SSBP2: variants seen among roughly 807,000 people sequenced by gnomAD.
The protein encoded by SSBP2 is single stranded DNA binding protein 2, also known as single-stranded DNA-binding protein 2.
Under a neutral mutation model 61.8 loss-of-function variants are expected in SSBP2, and 17 were observed. The observed-to-expected ratio is 0.28, with a 90% CI of 0.19 to 0.41. The LOEUF (loss-of-function observed/expected upper bound fraction) is 0.41, where lower values mean the gene tolerates loss of function less well. Ranked by LOEUF, SSBP2 falls within the 10% of genes least tolerant of loss-of-function variation. SSBP2 has a pLI of 1.00. For synonymous variants in SSBP2, 139 were observed against 141.3 expected (o/e 0.98, Z 0.12); for missense variants, 310 against 458.7 (o/e 0.68, Z 2.96).
intron 16 of SSBP2, among the ~76,000 whole-genome samples, chr5:81,424,853 G>A (rs1429255007): frequency 6.6e-6 from 1 of 152,174 alleles, no homozygotes; most frequent in Non-Finnish European, 1.5e-5. Flanking sequence ...GTACTGTACT[G>A]AGACCACACT....
intron 4 of SSBP2, among the ~76,000 whole-genome samples, chr5:81,562,375 T>C (rs926190280): frequency 2.6e-5 from 4 of 152,208 alleles, no homozygotes; most frequent in African/African-American, 9.6e-5. Flanking sequence ...ATTTCCCATA[T>C]GCTATCTTTC....
intron 4 of SSBP2, among the ~76,000 whole-genome samples, chr5:81,541,192 G>C (rs151190701): frequency 6.6e-6 from 1 of 152,088 alleles, no homozygotes; most frequent in African/African-American, 2.4e-5. Context: ...AAATAAAATA[G>C]CCAGGAATAC....
rs560332672 is a variant in SSBP2, at chr5:81,573,866, C to T, written c.282+41607G>A. On this transcript the variant is annotated intron_variant, in intron 4 of 16. Transcript: ENST00000320672. ...TTAAAAACCATTATGCTTGACCAGG[C>T]GCAGTGGCTCATGCCTGTAATCCCA... 1.2e-4 allele frequency among the ~76,000 whole-genome samples: 19 copies of T among 152,200 alleles called. No homozygotes were observed. In the South Asian group the frequency reaches 3.7e-3, roughly 30 times the overall value.
chr5:81,541,521 T>C (rs112638833), intron 4 of SSBP2, among the ~76,000 whole-genome samples: 34,363 of 151,860 alleles, frequency 0.23, 4,975 homozygotes, highest in Middle Eastern at 0.36. Context: ...CTTCAAACTA[T>C]ACTATAAGGC....
chr5:81,567,914 T>C (rs915888399), intron 4 of SSBP2, among the ~76,000 whole-genome samples: 1 of 152,206 alleles, frequency 6.6e-6, no homozygotes, highest in African/African-American at 2.4e-5. Context: ...TGGTTGTATT[T>C]GCCCAATGTC....
intron 4 of SSBP2, among the ~76,000 whole-genome samples, chr5:81,601,933 A>G (rs1440784194): frequency 6.6e-6 from 1 of 152,176 alleles, no homozygotes; most frequent in African/African-American, 2.4e-5. Flanking sequence ...ATTGCAATAG[A>G]TACTCCCTTT....
At position 81,477,962 on chromosome 5, in the gene SSBP2, C is replaced by A. The variant is rs560668988; in HGVS notation, c.433-3400G>T. 3.3e-5 allele frequency among the ~76,000 whole-genome samples: 5 copies of A among 151,936 alleles called. No homozygotes were observed. In the East Asian group the frequency reaches 9.7e-4, roughly 29 times the overall value. On this transcript the variant is annotated intron_variant, in intron 6 of 16. Coordinates refer to ENST00000320672, the MANE Select transcript of SSBP2 (RefSeq NM_012446.5). ...AAATACCAAGAAATAAAAAAAGAAA[C>A]TGAAACTGAATAGGCATGAAATTAG...
chr5:81,444,883 G>C (rs538814740), intron 12 of SSBP2, among the ~76,000 whole-genome samples: 74 of 151,818 alleles, frequency 4.9e-4, no homozygotes, highest in Non-Finnish European at 4.4e-4. Flanking sequence ...AGCACTTTGG[G>C]AGGCCAAGGC....
chr5:81,427,126 T>A (rs1762003349), intron 16 of SSBP2, among the ~76,000 whole-genome samples: 1 of 152,198 alleles, frequency 6.6e-6, no homozygotes, highest in South Asian at 2.1e-4. Context: ...ACCACTTTAT[T>A]GCTGGTAAAA....
chr5:81,511,183 A>G (rs1247258791), intron 5 of SSBP2, among the ~76,000 whole-genome samples: 1 of 152,164 alleles, frequency 6.6e-6, no homozygotes, highest in African/African-American at 2.4e-5. Flanking sequence ...TATTTTGACA[A>G]TACTTTCCTA....
chr5:81,715,838 C>A (rs1466270333), intron 1 of SSBP2, among the ~76,000 whole-genome samples: 1 of 152,106 alleles, frequency 6.6e-6, no homozygotes, highest in African/African-American at 2.4e-5. Context: ...AAGAGGATTG[C>A]TTGAGCCCAG....
chr5:81,520,747 G>T (rs933041686), intron 4 of SSBP2, among the ~76,000 whole-genome samples: 1 of 151,776 alleles, frequency 6.6e-6, no homozygotes, highest in African/African-American at 2.4e-5. Context: ...TCTTCATATT[G>T]TCTCTAATTT....
chr5:81,633,384 G>A lies in SSBP2; in HGVS notation c.197+3173C>T, dbSNP rs372409284. 3.9e-3 allele frequency among the ~76,000 whole-genome samples: 592 copies of A among 152,088 alleles called. 3 individuals are homozygous for A. The highest frequency in any genetic ancestry group is 5.9e-3 in the Non-Finnish European group (401 of 67,996). On this transcript the variant is annotated intron_variant, in intron 3 of 16. Transcript: ENST00000320672. Reference sequence around the variant, plus strand: ...ACCCGCCTCAGCCTCCCAAAGTGCTGGGATTACAGGCATGAGCCACCATAC... The same window carrying A: ...ACCCGCCTCAGCCTCCCAAAGTGCTAGGATTACAGGCATGAGCCACCATAC...
intron 4 of SSBP2, among the ~76,000 whole-genome samples, chr5:81,521,248 C>T (rs552301237): frequency 6.6e-6 from 1 of 152,048 alleles, no homozygotes; most frequent in South Asian, 2.1e-4. Flanking sequence ...TCTTCCATGT[C>T]CCAATCCTTA....
chr5:81,682,308 A>G (rs988864888), intron 1 of SSBP2, among the ~76,000 whole-genome samples: 5 of 152,156 alleles, frequency 3.3e-5, no homozygotes, highest in Non-Finnish European at 4.4e-5. Context: ...AAAATATTCA[A>G]CAATGTATAG....
intron 4 of SSBP2, among the ~76,000 whole-genome samples, chr5:81,539,129 G>A (rs191678971): frequency 2.2e-4 from 34 of 152,318 alleles, no homozygotes; most frequent in African/African-American, 5.8e-4. Flanking sequence ...TGTGATTCAC[G>A]GGAGGAGATT....
At chr5:81,433,996 T>C (rs1242738956) in intron 15 of SSBP2, among the ~76,000 whole-genome samples, 1 of 152,186 alleles carries the variant, frequency 6.6e-6, no homozygotes, top group African/African-American at 2.4e-5. Flanking sequence ...TTAACATATG[T>C]TCACACTCGA....
At chr5:81,580,220 T>C (rs1774537094) in intron 4 of SSBP2, among the ~76,000 whole-genome samples, 1 of 152,110 alleles carries the variant, frequency 6.6e-6, no homozygotes, top group Non-Finnish European at 1.5e-5. Flanking sequence ...AAGGCAGAAC[T>C]ATAGAAATTA....
chr5:81,731,630 A>C (rs1756272302), intron 1 of SSBP2, among the ~76,000 whole-genome samples: 1 of 152,122 alleles, frequency 6.6e-6, no homozygotes, highest in South Asian at 2.1e-4. Flanking sequence ...AGGTTTCAAC[A>C]CATCTATAGA....
Sources: gnomAD v4.1 joint callset for allele counts (sites outside exome capture counted in the v4.1 genomes callset) on GRCh38, gnomAD v4.1.1 for gene constraint, MANE v1.5 for transcripts, NCBI Gene and HGNC (gene_info 2026-07-23, HGNC 2026-07-21) for gene names.